CEP112: variants seen among roughly 807,000 people sequenced by gnomAD.
The protein encoded by CEP112 is centrosomal protein of 112 kDa.
In CEP112, 127 loss-of-function variants were observed where a neutral mutation model predicts 153.0. The observed-to-expected ratio is 0.83, with a 90% CI of 0.72 to 0.96. The LOEUF (loss-of-function observed/expected upper bound fraction) is 0.96, where lower values mean the gene tolerates loss of function less well. Ranked by LOEUF, CEP112 falls within the 40% of genes least tolerant of loss-of-function variation. The pLI is 0.00. For missense variants in CEP112, 1,089 were observed against 1,101.2 expected (o/e 0.99, Z 0.16); for synonymous variants, 358 against 374.4 (o/e 0.96, Z 0.51).
At chr17:66,083,627 C>T (rs943825151) in intron 8 of CEP112, among the ~76,000 whole-genome samples, 3 of 152,152 alleles carry the variant, frequency 2.0e-5, no homozygotes, top group African/African-American at 7.2e-5. Flanking sequence ...GGTGGGCAGA[C>T]TGCCTGAGCT....
intron 18 of CEP112, among the ~76,000 whole-genome samples, chr17:65,951,035 C>T (rs1317951631): frequency 6.6e-6 from 1 of 152,002 alleles, no homozygotes; most frequent in East Asian, 1.9e-4. Flanking sequence ...TGATATGTAA[C>T]ATTAATTGAT....
intron 23 of CEP112, among the ~76,000 whole-genome samples, chr17:65,699,319 A>G (rs2048506944): frequency 6.6e-6 from 1 of 152,214 alleles, no homozygotes. Context: ...CCTTTCATTT[A>G]AAACAGTTGG....
Position 65,951,749 on chromosome 17 carries a change from C to CCCCCCCCT in CEP112, c.1872+9713_1872+9714insAGGGGGGG, listed in dbSNP as rs71160510. On this transcript the variant is annotated intron_variant, in intron 18 of 26. Coordinates refer to ENST00000535342, the MANE Select transcript of CEP112 (RefSeq NM_001199165.4). ...TCTGCTCTAATCTTCCCCCGCCCCC[C>CCCCCCCCT]CCTTTCTTCCACTTGCTTAGAAGCT... Among the ~76,000 whole-genome samples the CCCCCCCCT allele has an allele frequency of 2.8e-5, 3 of 106,148 alleles. 1 individual carries two copies. Among genetic ancestry groups the CCCCCCCCT allele is most frequent in the East Asian group, 7.8e-4 (2 of 2,558 alleles). The allele number at this position is 106,148 out of a possible 152,430, so 69.6% of individuals were successfully genotyped here.
chr17:65,785,712 G>A (rs994527977), intron 21 of CEP112, among the ~76,000 whole-genome samples: 5 of 152,252 alleles, frequency 3.3e-5, no homozygotes, highest in Admixed American at 3.3e-4. Flanking sequence ...GAAATGTCAT[G>A]AAAATTTACT....
At chr17:65,642,163 AT>A (rs763667618) in intron 24 of CEP112, among the ~76,000 whole-genome samples, 11 of 152,170 alleles carry the variant, frequency 7.2e-5, no homozygotes, top group Admixed American at 2.6e-4. Flanking sequence ...GTGTTTCTGC[AT>A]TTCTCTTCCA....
intron 23 of CEP112, among the ~76,000 whole-genome samples, chr17:65,718,106 C>T (rs2144806703): frequency 6.6e-6 from 1 of 152,252 alleles, no homozygotes; most frequent in Non-Finnish European, 1.5e-5. Flanking sequence ...AAATTTCAAT[C>T]AAATATTTAC....
At chr17:66,156,895 C>T (rs1392796697) in intron 4 of CEP112, among the ~76,000 whole-genome samples, 4 of 152,126 alleles carry the variant, frequency 2.6e-5, no homozygotes, top group African/African-American at 7.2e-5. Flanking sequence ...ACCAAATTTA[C>T]GTCTGATTGG....
At chr17:65,794,127 T>C (rs1375614050) in intron 21 of CEP112, among the ~76,000 whole-genome samples, 1 of 152,178 alleles carries the variant, frequency 6.6e-6, no homozygotes, top group African/African-American at 2.4e-5. Context: ...TCTGTTGTCA[T>C]AGAAGTTACA....
chr17:65,680,429 T>C (rs1161118470), intron 24 of CEP112, among the ~76,000 whole-genome samples: 3 of 152,164 alleles, frequency 2.0e-5, no homozygotes, highest in Non-Finnish European at 2.9e-5. Context: ...TCAAAGTCCC[T>C]GTGGCCTGTG....
intron 21 of CEP112, among the ~76,000 whole-genome samples, chr17:65,831,590 C>T (rs1357814773): frequency 6.7e-6 from 1 of 150,204 alleles, no homozygotes; most frequent in Non-Finnish European, 1.5e-5. Context: ...TTCAGAAAAT[C>T]ACAAGCAAAC....
At chr17:66,178,556 C>T (rs935600312) in intron 2 of CEP112, among the ~76,000 whole-genome samples, 4 of 152,036 alleles carry the variant, frequency 2.6e-5, no homozygotes, top group Non-Finnish European at 5.9e-5. Flanking sequence ...AGCTTTTTAA[C>T]ATGATGAGAT....
chr17:65,971,485 CATGA>C (rs1008291871), intron 17 of CEP112, among the ~76,000 whole-genome samples: 9 of 139,496 alleles, frequency 6.5e-5, no homozygotes, highest in African/African-American at 2.3e-4. Context: ...GCATGTATGA[CATGA>C]ATGTCATACA....
chr17:65,747,227 G>A (rs1462317432), intron 22 of CEP112, among the ~76,000 whole-genome samples: 2 of 152,184 alleles, frequency 1.3e-5, no homozygotes, highest in African/African-American at 2.4e-5. Flanking sequence ...GCTTAGGAAC[G>A]TTAGGTGAAC....
At chr17:65,759,223 A>G (rs1329894459) in intron 21 of CEP112, among the ~76,000 whole-genome samples, 1 of 152,202 alleles carries the variant, frequency 6.6e-6, no homozygotes, top group Non-Finnish European at 1.5e-5. Context: ...TTAGCATGTA[A>G]TCAAGAAATA....
At chr17:66,180,233 AT>A (rs977737579) in intron 2 of CEP112, among the ~76,000 whole-genome samples, 1 of 151,930 alleles carries the variant, frequency 6.6e-6, no homozygotes, top group East Asian at 1.9e-4. Flanking sequence ...TCCCTCCTCT[AT>A]TTTTTTGAAT....
At chr17:65,987,768 T>C (rs750952525) in intron 17 of CEP112, among the ~76,000 whole-genome samples, 85 of 152,160 alleles carry the variant, frequency 5.6e-4, no homozygotes, top group Non-Finnish European at 9.1e-4. Context: ...CACACTTCCA[T>C]GTATACAATG....
intron 20 of CEP112, among the ~76,000 whole-genome samples, chr17:65,870,515 T>C (rs982748754): frequency 6.6e-6 from 1 of 152,204 alleles, no homozygotes; most frequent in African/African-American, 2.4e-5. Flanking sequence ...AGAAGTACTA[T>C]ATATTTTTTC....
At chr17:65,870,520 T>A (rs191709207) in intron 20 of CEP112, among the ~76,000 whole-genome samples, 60 of 152,308 alleles carry the variant, frequency 3.9e-4, no homozygotes, top group African/African-American at 1.4e-3. Flanking sequence ...TACTATATAT[T>A]TTTTCTAGAC....
intron 21 of CEP112, among the ~76,000 whole-genome samples, chr17:65,801,237 T>G (rs190920815): frequency 1.0e-3 from 153 of 152,282 alleles, no homozygotes; most frequent in African/African-American, 3.4e-3. Flanking sequence ...ATTTCTAATT[T>G]TTGTAGAGAC....
Sources: gnomAD v4.1 joint callset for allele counts (sites outside exome capture counted in the v4.1 genomes callset) on GRCh38, gnomAD v4.1.1 for gene constraint, MANE v1.5 for transcripts, NCBI Gene and HGNC (gene_info 2026-07-23, HGNC 2026-07-21) for gene names.